The following ARHGAP10 variants were observed in gnomAD, a reference collection of about 807,000 sequenced individuals.
ARHGAP10 encodes rho GTPase-activating protein 10.
Under a neutral mutation model 108.6 loss-of-function variants are expected in ARHGAP10, and 87 were observed. The ratio of observed to expected loss-of-function variants is 0.80; its 90% CI spans 0.67 to 0.96. The LOEUF (loss-of-function observed/expected upper bound fraction) is 0.96, where lower values mean the gene tolerates loss of function less well. Among genes scored for constraint, ARHGAP10 ranks in the 40% least tolerant of loss-of-function variants. The probability of loss-of-function intolerance (pLI) is 0.00; values close to 1 mark genes in which losing one functional copy is unlikely to be tolerated. For synonymous variants in ARHGAP10, 347 were observed against 341.1 expected (o/e 1.02, Z -0.19); for missense variants, 939 against 954.5 (o/e 0.98, Z 0.21).
At chr4:147,808,965 G>A (rs928612636) in intron 1 of ARHGAP10, 4 of 152,332 alleles carry the variant, frequency 2.6e-5, no homozygotes, top group African/African-American at 9.7e-5. Flanking sequence ...CAGCTTCCCA[G>A]GAGGCCAAGG....
intron 19 of ARHGAP10, among the ~76,000 whole-genome samples, chr4:148,045,930 A>C (rs369518623): frequency 6.6e-6 from 1 of 152,146 alleles, no homozygotes; most frequent in Admixed American, 6.5e-5. Context: ...ATTTGCTTCC[A>C]TAGCAGTTTA....
At chr4:147,869,252 G>T (rs1342629908) in intron 7 of ARHGAP10, among the ~76,000 whole-genome samples, 1 of 152,128 alleles carries the variant, frequency 6.6e-6, no homozygotes, top group Non-Finnish European at 1.5e-5. Flanking sequence ...CTCAGACTCT[G>T]GGGTGAGCTG....
intron 1 of ARHGAP10, among the ~76,000 whole-genome samples, chr4:147,770,449 C>T (rs1221565396): frequency 3.3e-5 from 5 of 152,102 alleles, no homozygotes; most frequent in Non-Finnish European, 5.9e-5. Context: ...TGCTTGAACC[C>T]GGGAGGCGGA....
At chr4:147,977,633 A>T (rs372043748) in intron 18 of ARHGAP10, among the ~76,000 whole-genome samples, 1 of 152,160 alleles carries the variant, frequency 6.6e-6, no homozygotes, top group South Asian at 2.1e-4. Flanking sequence ...TTGAAATCTC[A>T]GCTCCACTCA....
intron 5 of ARHGAP10, chr4:147,862,513 C>G (rs1734365078): frequency 6.6e-6 from 1 of 152,388 alleles, no homozygotes; most frequent in African/African-American, 2.4e-5. Context: ...AGTGCGCAGC[C>G]CTGGCTGCAC....
chr4:147,995,438 G>A (rs1231322176), intron 18 of ARHGAP10, among the ~76,000 whole-genome samples: 1 of 152,212 alleles, frequency 6.6e-6, no homozygotes, highest in African/African-American at 2.4e-5. Context: ...ACAGTGTGGA[G>A]TGTGGGAGGA....
intron 19 of ARHGAP10, among the ~76,000 whole-genome samples, chr4:148,035,297 A>G (rs1728327703): frequency 1.3e-5 from 2 of 152,206 alleles, no homozygotes; most frequent in Admixed American, 1.3e-4. Context: ...AGTTTATGGC[A>G]ATTTCATTAC....
At chr4:148,031,282 T>C (rs562114901) in intron 19 of ARHGAP10, among the ~76,000 whole-genome samples, 1 of 152,350 alleles carries the variant, frequency 6.6e-6, no homozygotes, top group South Asian at 2.1e-4. Context: ...AGGAGTATGA[T>C]ACAAAATTCA....
intron 1 of ARHGAP10, among the ~76,000 whole-genome samples, chr4:147,818,490 C>T (rs1336592566): frequency 2.7e-5 from 4 of 150,432 alleles, no homozygotes; most frequent in African/African-American, 4.9e-5. Flanking sequence ...TGCTTGAATC[C>T]GGGAGGCGGA....
chr4:148,034,155 G>A (rs541048665), intron 19 of ARHGAP10, among the ~76,000 whole-genome samples: 2 of 152,140 alleles, frequency 1.3e-5, no homozygotes, highest in East Asian at 1.9e-4. Context: ...AATAGTTTTC[G>A]CTTATATTTT....
chr4:147,984,360 G>A (rs1045162588), intron 18 of ARHGAP10, among the ~76,000 whole-genome samples: 2 of 152,212 alleles, frequency 1.3e-5, no homozygotes, highest in African/African-American at 4.8e-5. Context: ...TGCCAAGTCC[G>A]CCACAGCACA....
intron 3 of ARHGAP10, among the ~76,000 whole-genome samples, chr4:147,823,803 C>G (rs1732598744): frequency 6.6e-6 from 1 of 152,048 alleles, no homozygotes; most frequent in Non-Finnish European, 1.5e-5. Context: ...AGCTGTCCCC[C>G]ATGGGGTGCT....
At chr4:147,838,447 G>C (rs1462073872) in intron 3 of ARHGAP10, among the ~76,000 whole-genome samples, 1 of 142,556 alleles carries the variant, frequency 7.0e-6, no homozygotes, top group Non-Finnish European at 1.5e-5. Context: ...TCCAAGCCTG[G>C]GTGACAGAGT....
chr4:148,041,621 T>G (rs1357024582), intron 19 of ARHGAP10, among the ~76,000 whole-genome samples: 3 of 152,244 alleles, frequency 2.0e-5, no homozygotes, highest in Non-Finnish European at 2.9e-5. Context: ...TCTTGTTTCC[T>G]CCTCTTGGTC....
At position 147,732,278 on chromosome 4, in the gene ARHGAP10, C is replaced by A. The variant is rs1578976508; in HGVS notation, c.-24C>A. ...TCGGGCAGGAGCGCGCGGCCGTGCGCACCGCGCAGCGACCGCTGCCGTCAT... is the reference window on the plus strand; with the variant it reads ...TCGGGCAGGAGCGCGCGGCCGTGCGAACCGCGCAGCGACCGCTGCCGTCAT... On this transcript the variant is annotated 5_prime_UTR_variant, in exon 1 of 23. Transcript: ENST00000336498. 1 of 1,575,778 alleles carries A rather than the reference C, an allele frequency of 6.3e-7. No homozygotes were observed. Among genetic ancestry groups the A allele is most frequent in the East Asian group, 2.4e-5 (1 of 42,186 alleles).
chr4:147,779,503 G>T (rs1275922505), intron 1 of ARHGAP10, among the ~76,000 whole-genome samples: 1 of 152,210 alleles, frequency 6.6e-6, no homozygotes, highest in Non-Finnish European at 1.5e-5. Context: ...GCATAGTGCA[G>T]TGTCCCCCAG....
At position 148,003,892 on chromosome 4, in the gene ARHGAP10, G is replaced by GAC. The variant is rs2149647872; in HGVS notation, c.1717-19371_1717-19370insAC. On this transcript the variant is annotated intron_variant, in intron 18 of 22. Transcript: ENST00000336498. Reference sequence around the variant, plus strand: ...TTGCCCAACAGTGTCTTTTATCTGAGTGTAAGCCTAAATCAGCAAGTGAAG... The same window carrying GAC: ...TTGCCCAACAGTGTCTTTTATCTGAGACTGTAAGCCTAAATCAGCAAGTGAAG... Among the ~76,000 whole-genome samples, 5 of 152,310 alleles carry GAC rather than the reference G, an allele frequency of 3.3e-5. 1 individual carries two copies. The highest frequency in any genetic ancestry group is 2.1e-4 in the South Asian group (1 of 4,826).
At chr4:147,766,847 T>G (rs1349042136) in intron 1 of ARHGAP10, among the ~76,000 whole-genome samples, 1 of 139,884 alleles carries the variant, frequency 7.1e-6, no homozygotes, top group African/African-American at 2.7e-5. Context: ...TATTTATTTA[T>G]TTATTTATTT....
chr4:147,755,633 A>G lies in ARHGAP10; in HGVS notation c.154+23178A>G, dbSNP rs78888960. ...GCCTTTTCTTTGGCGAGCTGCTGGA[A>G]TATTTTAGGAAGTAGCTGTACTTTT... On this transcript the variant is annotated intron_variant, in intron 1 of 22. Transcript: ENST00000336498. Among the ~76,000 whole-genome samples, 106 of 152,374 alleles carry G rather than the reference A, an allele frequency of 7.0e-4. 2 individuals are homozygous for G. In the East Asian group the frequency reaches 0.02, roughly 29 times the overall value.
Sources: gnomAD v4.1 joint callset for allele counts (sites outside exome capture counted in the v4.1 genomes callset) on GRCh38, gnomAD v4.1.1 for gene constraint, MANE v1.5 for transcripts, NCBI Gene and HGNC (gene_info 2026-07-23, HGNC 2026-07-21) for gene names.